Variants in SOX5 observed in about 807,000 individuals in gnomAD.
SOX5 encodes the protein SRY-box transcription factor 5.
SOX5 carries 9 observed loss-of-function variants against 92.0 expected under a neutral mutation model. The observed-to-expected ratio is 0.10, with a 90% CI of 0.06 to 0.17. SOX5 has a LOEUF of 0.17. Among genes scored for constraint, SOX5 ranks in the 10% least tolerant of loss-of-function variants. SOX5 has a pLI of 1.00. For synonymous variants in SOX5, 344 were observed against 336.3 expected (o/e 1.02, Z -0.25); for missense variants, 642 against 944.5 (o/e 0.68, Z 4.20).
chr12:23,712,358 C>T (rs535364756), intron 6 of SOX5, among the ~76,000 whole-genome samples: 2 of 152,182 alleles, frequency 1.3e-5, no homozygotes, highest in South Asian at 2.1e-4. Flanking sequence ...GTGATGAAGG[C>T]AATTTGTACA....
At chr12:23,643,119 G>A (rs568581162) in intron 7 of SOX5, among the ~76,000 whole-genome samples, 78 of 150,446 alleles carry the variant, frequency 5.2e-4, no homozygotes, top group African/African-American at 1.7e-3. Flanking sequence ...GGTAATTATG[G>A]TCAGACTAGG....
intron 1 of SOX5, chr12:23,919,946 T>A (rs2097465170): frequency 6.6e-6 from 1 of 152,182 alleles, no homozygotes; most frequent in East Asian, 1.9e-4. Context: ...TTTGGATAAT[T>A]TGGATGGTTT....
chr12:23,571,642 A>G (rs1356897150), intron 10 of SOX5, among the ~76,000 whole-genome samples: 1 of 152,238 alleles, frequency 6.6e-6, no homozygotes, highest in Non-Finnish European at 1.5e-5. Flanking sequence ...CATGGTTATA[A>G]GGCTCCAAAA....
intron 4 of SOX5, among the ~76,000 whole-genome samples, chr12:24,069,400 A>T (rs914411104): frequency 6.6e-6 from 1 of 152,234 alleles, no homozygotes; most frequent in East Asian, 1.9e-4. Flanking sequence ...ATCTAAAATT[A>T]GAGTGTAATA....
At chr12:24,114,963 A>G (rs557490526) in intron 4 of SOX5, among the ~76,000 whole-genome samples, 1 of 152,184 alleles carries the variant, frequency 6.6e-6, no homozygotes, top group South Asian at 2.1e-4. Flanking sequence ...ATAATATTCT[A>G]TGAAAATGAA....
chr12:23,571,435 T>A (rs550491495), intron 10 of SOX5, among the ~76,000 whole-genome samples: 2 of 152,280 alleles, frequency 1.3e-5, no homozygotes, highest in South Asian at 4.1e-4. Context: ...GGAAAAAGAC[T>A]GTAGGCACCT....
At chr12:23,652,131 G>C (rs1475305050) in intron 7 of SOX5, among the ~76,000 whole-genome samples, 1 of 151,810 alleles carries the variant, frequency 6.6e-6, no homozygotes, top group Admixed American at 6.6e-5. Context: ...ATATATTTTT[G>C]GGGAAATGCT....
intron 1 of SOX5, among the ~76,000 whole-genome samples, chr12:24,396,365 G>A (rs1287163582): frequency 1.3e-5 from 2 of 152,210 alleles, no homozygotes; most frequent in Non-Finnish European, 2.9e-5. Context: ...TGTTCAGTGT[G>A]ACTGGAGCAC....
intron 8 of SOX5, among the ~76,000 whole-genome samples, chr12:23,629,816 C>T (rs1234333313): frequency 6.6e-6 from 1 of 151,944 alleles, no homozygotes; most frequent in Non-Finnish European, 1.5e-5. Flanking sequence ...TTCATCTTTG[C>T]ATTTCTTATA....
intron 4 of SOX5, among the ~76,000 whole-genome samples, chr12:23,744,321 A>G (rs1354506759): frequency 6.6e-6 from 1 of 152,186 alleles, no homozygotes; most frequent in Non-Finnish European, 1.5e-5. Flanking sequence ...TCAATGAAAT[A>G]ATAAGGTACG....
intron 6 of SOX5, among the ~76,000 whole-genome samples, chr12:23,729,402 A>G (rs1325980846): frequency 2.0e-5 from 3 of 152,140 alleles, no homozygotes; most frequent in Non-Finnish European, 4.4e-5. Flanking sequence ...TGCATTTCAT[A>G]CAGGTAAATA....
chr12:24,501,473 A>G (rs1467587233), intron 1 of SOX5, among the ~76,000 whole-genome samples: 1 of 152,144 alleles, frequency 6.6e-6, no homozygotes, highest in Non-Finnish European at 1.5e-5. Flanking sequence ...AATAGGCTAT[A>G]TTTTGCTTTT....
chr12:23,615,473 A>AT lies in SOX5; in HGVS notation c.1018-10941dup, dbSNP rs1346913893. Among the ~76,000 whole-genome samples, 22 of 151,884 alleles carry AT rather than the reference A, an allele frequency of 1.4e-4. No individual in the cohort carries two copies. In the East Asian group the frequency reaches 3.9e-3, roughly 27 times the overall value. On this transcript the variant is annotated intron_variant, in intron 8 of 14. Transcript: ENST00000451604. ...ATATTAAGCCTAGTACCCAATTGTT[A>AT]TTTTTTTCTGTTCTTCTCCCTTTTC...
At chr12:24,301,441 T>A (rs1947935412) in intron 2 of SOX5, among the ~76,000 whole-genome samples, 1 of 152,206 alleles carries the variant, frequency 6.6e-6, no homozygotes, top group South Asian at 2.1e-4. Flanking sequence ...CATGAATGTA[T>A]CTCATAATAT....
intron 1 of SOX5, among the ~76,000 whole-genome samples, chr12:24,410,184 G>A (rs1963822270): frequency 6.6e-6 from 1 of 152,010 alleles, no homozygotes; most frequent in African/African-American, 2.4e-5. Flanking sequence ...TTTTTGTAGA[G>A]GAGGAGTTTT....
In SOX5 at chr12:23,544,939, T is replaced by G. The variant is rs532326134; in HGVS notation, c.1597+1377A>C. Among the ~76,000 whole-genome samples the G allele has an allele frequency of 7.2e-5, 11 of 152,344 alleles. No individual in the cohort carries two copies. The East Asian group carries it at 9.6e-4, about 13-fold the overall frequency. On this transcript the variant is annotated intron_variant, in intron 12 of 14. Transcript: ENST00000451604. ...CATAAGCAATAAAATGAACATTATG[T>G]GTCTTCATCAAATCTAAACAAGCTC...
rs571261917 is a variant in SOX5 at position 24,413,961 on chromosome 12, A to G, written c.-250-45322T>C. Among the ~76,000 whole-genome samples, 10 of 152,276 alleles carry G rather than the reference A, an allele frequency of 6.6e-5. No homozygotes were observed. In the East Asian group the frequency reaches 1.5e-3, roughly 24 times the overall value. ...GTCCTCAATTCCCAAAATATTTTCTATATTCCCTGATTCATTTTATGAAGG... is the reference window on the plus strand; with the variant it reads ...GTCCTCAATTCCCAAAATATTTTCTGTATTCCCTGATTCATTTTATGAAGG... On this transcript the variant is annotated intron_variant, in intron 1 of 4. Transcript: ENST00000446891.
At chr12:24,057,748 T>C (rs1592748002) in intron 4 of SOX5, among the ~76,000 whole-genome samples, 1 of 152,358 alleles carries the variant, frequency 6.6e-6, no homozygotes, top group South Asian at 2.1e-4. Context: ...ATACATTTTT[T>C]TTCTTAATTT....
chr12:23,982,589 G>A (rs895075385), intron 4 of SOX5, among the ~76,000 whole-genome samples: 1 of 151,922 alleles, frequency 6.6e-6, no homozygotes, highest in African/African-American at 2.4e-5. Flanking sequence ...TCCTTGTAGT[G>A]GTCACTGACA....
Sources: gnomAD v4.1 joint callset for allele counts (sites outside exome capture counted in the v4.1 genomes callset) on GRCh38, gnomAD v4.1.1 for gene constraint, MANE v1.5 for transcripts, NCBI Gene and HGNC (gene_info 2026-07-23, HGNC 2026-07-21) for gene names.